ZFP82: variants seen among roughly 807,000 people sequenced by gnomAD.
The protein encoded by ZFP82 is zinc finger protein 82 homolog.
A neutral mutation model predicts 54.0 loss-of-function variants in ZFP82; 30 were observed. The observed-to-expected ratio is 0.56, with a 90% CI of 0.42 to 0.75. The LOEUF (loss-of-function observed/expected upper bound fraction) is 0.75. Ranked by LOEUF, ZFP82 falls within the 30% of genes least tolerant of loss-of-function variation. The pLI is 0.00. For synonymous variants in ZFP82, 194 were observed against 209.5 expected, an observed-to-expected ratio of 0.93 and a Z score of 0.64; for missense variants, 500 against 636.8, an observed-to-expected ratio of 0.79 and a Z score of 2.31.
chr19:36,415,562 A>G (rs1219437546), intron 1 of ZFP82, among the ~76,000 whole-genome samples: 3 of 151,934 alleles, frequency 2.0e-5, no homozygotes, highest in African/African-American at 7.3e-5. Flanking sequence ...TAATTTTTCT[A>G]TTTTTAGTAG....
Position 36,393,591 on chromosome 19 carries a change from C to T in ZFP82, c.749G>A (p.Gly250Asp). Residue 250 changes from glycine to aspartate, a missense_variant, in exon 5 of 5, where the codon GGT becomes GAT. Transcript: ENST00000392161. ...TTCTTTACATTCATAGGGCTTCTCA[C>T]CAATATGCATTTTCTGATGTACTCT... The part of the protein sequence containing the change: ...DLRVHQKMHI[G>D]EKPYECKECG... The T allele has an allele frequency of 1.2e-6, 2 of 1,613,598 alleles. No individual in the cohort carries two copies. Among genetic ancestry groups the T allele is most frequent in the Non-Finnish European group, 1.7e-6 (2 of 1,179,878 alleles).
At chr19:36,405,787 A>G (rs1427236473) in intron 3 of ZFP82, 115 bp from the exon 4 acceptor site, 4 of 590,710 alleles carry the variant, frequency 6.8e-6, no homozygotes, top group African/African-American at 3.7e-5. Flanking sequence ...GGCAAAACAA[A>G]TAAGTGAAAG....
rs2032257079 is a variant in ZFP82 at position 36,394,195 on chromosome 19, A to G, written c.230-85T>C. 4 of 1,256,104 alleles carry G rather than the reference A, an allele frequency of 3.2e-6. No individual in the cohort carries two copies. In the Middle Eastern group the frequency reaches 5.7e-4, roughly 180 times the overall value. 77.8% of individuals were successfully genotyped at this position (1,256,104 alleles called of 1,614,324 possible). A position where few individuals can be genotyped will look rare whatever the true frequency, so the allele number is the denominator to read the frequency against. On this transcript the variant is annotated intron_variant, in intron 4 of 4. Coordinates refer to ENST00000392161, the MANE Select transcript of ZFP82 (RefSeq NM_133466.4). The stretch of plus-strand genomic sequence containing the variant: ...TCTAATGTAGAAATAAAAGACAACA[A>G]AAGTAATCCTTAACCAAAACTCTAA...
rs528668527 is a variant in ZFP82, at chr19:36,413,182, G to A, written c.-78-3315C>T. On this transcript the variant is annotated intron_variant, in intron 1 of 4. Coordinates refer to ENST00000392161, the MANE Select transcript of ZFP82 (RefSeq NM_133466.4). ...AACCAACACTTTGGGAGGCCGAGGT[G>A]GGCAGATCACTTGAGGTCAGCAGTT... Among the ~76,000 whole-genome samples, 3 of 152,240 alleles carry A rather than the reference G, an allele frequency of 2.0e-5. No individual in the cohort carries two copies. The East Asian group carries it at 5.8e-4, about 30-fold the overall frequency.
At chr19:36,408,154 G>T (rs117973768) in intron 2 of ZFP82, 141 bp from the exon 3 acceptor site, 3 of 894,422 alleles carry the variant, frequency 3.4e-6, no homozygotes, top group Non-Finnish European at 5.0e-6. Context: ...GCAACACAGC[G>T]AGTCAGGAAA....
At chr19:36,408,688 C>T (rs978196634) in intron 2 of ZFP82, among the ~76,000 whole-genome samples, 1 of 151,984 alleles carries the variant, frequency 6.6e-6, no homozygotes. Context: ...CCTGGTGGCA[C>T]ATGCCTGTAA....
chr19:36,399,200 C>T (rs1265941774), intron 4 of ZFP82, among the ~76,000 whole-genome samples: 1 of 152,036 alleles, frequency 6.6e-6, no homozygotes. Context: ...ATATGGATAA[C>T]CTTTATGAGG....
At chr19:36,404,771 C>T (rs905638752) in intron 4 of ZFP82, among the ~76,000 whole-genome samples, 1 of 152,230 alleles carries the variant, frequency 6.6e-6, no homozygotes, top group Non-Finnish European at 1.5e-5. Flanking sequence ...TGGGCAGAAG[C>T]CTAGGCTACA....
chr19:36,413,442 A>T (rs1226197693), intron 1 of ZFP82, among the ~76,000 whole-genome samples: 6 of 152,140 alleles, frequency 3.9e-5, no homozygotes, highest in Non-Finnish European at 8.8e-5. Flanking sequence ...GACAACCTGA[A>T]ATCAAATACC....
intron 4 of ZFP82, among the ~76,000 whole-genome samples, chr19:36,400,571 T>A (rs746286694): frequency 6.6e-6 from 1 of 152,156 alleles, no homozygotes; most frequent in Non-Finnish European, 1.5e-5. Flanking sequence ...TATGCTATCT[T>A]CTCTCCACCA....
At chr19:36,410,433 A>G (rs890592561) in intron 1 of ZFP82, among the ~76,000 whole-genome samples, 81 of 148,040 alleles carry the variant, frequency 5.5e-4, no homozygotes, top group Middle Eastern at 3.5e-3. Flanking sequence ...TTATATATGT[A>G]TGTGTGTGTG....
exon 2 of ZFP82, chr19:36,383,206 T>C (rs1427933161): frequency 1.3e-5 from 2 of 152,082 alleles, no homozygotes; most frequent in Admixed American, 6.6e-5. Context: ...ACCACATATA[T>C]ATAGAGAGAG....
At chr19:36,407,828 C>G in intron 3 of ZFP82, 59 bp downstream of exon 3, 1 of 1,547,114 alleles carries the variant, frequency 6.5e-7, no homozygotes, top group Non-Finnish European at 8.7e-7. Context: ...GAAATTTCCA[C>G]AGGAAAAAGC....
downstream of ZFP82, chr19:36,383,849 T>C (rs2032087006): frequency 1.3e-5 from 2 of 152,162 alleles, no homozygotes; most frequent in South Asian, 4.1e-4. Flanking sequence ...ATAATTCTTA[T>C]ATTTTAAAAG....
chr19:36,408,722 G>A (rs776261798), intron 2 of ZFP82, among the ~76,000 whole-genome samples: 19 of 151,996 alleles, frequency 1.3e-4, no homozygotes, highest in Non-Finnish European at 2.2e-4. Flanking sequence ...GGAGGCTAAG[G>A]CAGGAGAATC....
At chr19:36,416,193 A>T (rs908282049) in intron 1 of ZFP82, among the ~76,000 whole-genome samples, 12 of 152,192 alleles carry the variant, frequency 7.9e-5, no homozygotes, top group African/African-American at 2.9e-4. Flanking sequence ...GCTGCATCAC[A>T]TGGAGTGTGG....
chr19:36,398,393 G>A (rs928274441), intron 4 of ZFP82, among the ~76,000 whole-genome samples: 3 of 152,052 alleles, frequency 2.0e-5, no homozygotes, highest in South Asian at 2.1e-4. Context: ...AAAAGTTAGC[G>A]GGGTGTGGTG....
At chr19:36,403,732 T>C (rs969980548) in intron 4 of ZFP82, among the ~76,000 whole-genome samples, 1 of 151,818 alleles carries the variant, frequency 6.6e-6, no homozygotes, top group Non-Finnish European at 1.5e-5. Flanking sequence ...GTCTATTATA[T>C]CCATGTTTCT....
chr19:36,408,969 T>C (rs1291577991), intron 2 of ZFP82, among the ~76,000 whole-genome samples: 1 of 152,204 alleles, frequency 6.6e-6, no homozygotes, highest in Non-Finnish European at 1.5e-5. Flanking sequence ...TGTACCTGGA[T>C]TACCTTCTCA....
Sources: allele counts gnomAD v4.1 joint callset (sites outside exome capture counted in the v4.1 genomes callset), GRCh38; gene constraint gnomAD v4.1.1; transcripts MANE v1.5; gene names NCBI Gene and HGNC (gene_info 2026-07-23, HGNC 2026-07-21).